HPSE2: variants seen among roughly 807,000 people sequenced by gnomAD.
HPSE2 encodes the protein heparanase 2 (inactive).
HPSE2 carries 38 observed loss-of-function variants against 60.5 expected under a neutral mutation model. That is an observed-to-expected ratio of 0.63 (90% CI 0.48 to 0.82). The LOEUF (loss-of-function observed/expected upper bound fraction) is 0.82, where lower values mean the gene tolerates loss of function less well. Ranked by LOEUF, HPSE2 falls within the 40% of genes least tolerant of loss-of-function variation. The pLI, the probability that HPSE2 is intolerant of heterozygous loss-of-function variation, is 0.00. For missense variants in HPSE2, 713 were observed against 740.4 expected (o/e 0.96, Z 0.43); for synonymous variants, 295 against 293.2 (o/e 1.01, Z -0.06).
intron 3 of HPSE2, among the ~76,000 whole-genome samples, chr10:98,946,617 C>A (rs1564680686): frequency 6.6e-6 from 1 of 151,952 alleles, no homozygotes; most frequent in South Asian, 2.1e-4. Context: ...CTAAAACTAT[C>A]CTAAAATTAA....
chr10:98,814,741 C>T (rs975795111), intron 3 of HPSE2, among the ~76,000 whole-genome samples: 1 of 152,176 alleles, frequency 6.6e-6, no homozygotes, highest in African/African-American at 2.4e-5. Context: ...ATTAATTTAA[C>T]TATGGCAGAC....
At chr10:98,833,601 ATCTT>A (rs1318016765) in intron 3 of HPSE2, among the ~76,000 whole-genome samples, 2 of 152,174 alleles carry the variant, frequency 1.3e-5, no homozygotes, top group African/African-American at 2.4e-5. Flanking sequence ...TCTTGTTATT[ATCTT>A]TATTTTACCA....
intron 3 of HPSE2, among the ~76,000 whole-genome samples, chr10:99,115,428 A>G (rs894392582): frequency 2.1e-4 from 32 of 151,868 alleles, no homozygotes; most frequent in African/African-American, 7.5e-4. Flanking sequence ...TGCTGGGATT[A>G]CAGGTGTGAG....
At chr10:98,567,755 G>A (rs75995669) in intron 9 of HPSE2, among the ~76,000 whole-genome samples, 127,849 of 150,972 alleles carry the variant, frequency 0.85, 55,361 homozygotes, top group East Asian at 1. Flanking sequence ...GATGGTGTGT[G>A]TGTGTGTGTG....
chr10:99,055,700 TTAAA>T (rs1958097323), intron 3 of HPSE2, among the ~76,000 whole-genome samples: 2 of 152,078 alleles, frequency 1.3e-5, no homozygotes, highest in Non-Finnish European at 2.9e-5. Context: ...TAGTTACAAA[TTAAA>T]TAACATATTT....
the HPSE2 span, among the ~76,000 whole-genome samples, chr10:99,248,117 A>T: frequency 6.6e-6 from 1 of 152,194 alleles, no homozygotes; most frequent in Non-Finnish European, 1.5e-5. Flanking sequence ...GATATCTGAA[A>T]ATGTGGAAGT....
At chr10:98,684,435 A>C (rs1336496) in intron 6 of HPSE2, among the ~76,000 whole-genome samples, 47,431 of 142,988 alleles carry the variant, frequency 0.33, 7,623 homozygotes, top group Admixed American at 0.4. Flanking sequence ...GATAGTTAAT[A>C]AATAACTCCA....
intron 9 of HPSE2, among the ~76,000 whole-genome samples, chr10:98,566,658 C>A (rs1944353692): frequency 6.6e-6 from 1 of 152,156 alleles, no homozygotes. Flanking sequence ...CAGTAACCTG[C>A]CCATGTGCCC....
intron 3 of HPSE2, among the ~76,000 whole-genome samples, chr10:98,964,158 T>G (rs1955755048): frequency 6.6e-6 from 1 of 152,150 alleles, no homozygotes; most frequent in Admixed American, 6.5e-5. Flanking sequence ...CCCTCTTGAA[T>G]TTTTATCTTT....
At chr10:98,775,851 C>T (rs1288529194) in intron 3 of HPSE2, among the ~76,000 whole-genome samples, 1 of 152,120 alleles carries the variant, frequency 6.6e-6, no homozygotes, top group Non-Finnish European at 1.5e-5. Flanking sequence ...CATCAGCTAC[C>T]CCAATAAATC....
At chr10:99,304,779 C>T in the HPSE2 span, among the ~76,000 whole-genome samples, 4 of 152,296 alleles carry the variant, frequency 2.6e-5, no homozygotes, top group South Asian at 8.3e-4. Flanking sequence ...GGAATTGGGC[C>T]AAGCACAGGA....
intron 3 of HPSE2, among the ~76,000 whole-genome samples, chr10:99,101,735 T>C (rs963133105): frequency 7.2e-5 from 11 of 152,196 alleles, no homozygotes; most frequent in Admixed American, 7.2e-4. Flanking sequence ...TAGTTGGAAG[T>C]AAAGCACTCC....
chr10:98,600,836 A>T (rs1945381403), intron 9 of HPSE2, among the ~76,000 whole-genome samples: 1 of 146,886 alleles, frequency 6.8e-6, no homozygotes, highest in Non-Finnish European at 1.5e-5. Flanking sequence ...ATACACAAAG[A>T]TATATATACA....
intron 3 of HPSE2, among the ~76,000 whole-genome samples, chr10:99,004,718 T>C (rs1956853690): frequency 6.6e-6 from 1 of 151,512 alleles, no homozygotes. Flanking sequence ...TTTGACTGTG[T>C]ACTTACTTTT....
chr10:99,094,011 CTTTA>C (rs1843610903), intron 3 of HPSE2, among the ~76,000 whole-genome samples: 2 of 151,958 alleles, frequency 1.3e-5, no homozygotes, highest in Admixed American at 6.6e-5. Context: ...TTTACTCTTT[CTTTA>C]TTGATAATTA....
At chr10:98,853,567 T>A (rs1952234379) in intron 3 of HPSE2, among the ~76,000 whole-genome samples, 1 of 152,084 alleles carries the variant, frequency 6.6e-6, no homozygotes, top group Admixed American at 6.6e-5. Flanking sequence ...TTAGGAAAAA[T>A]GTTTTGCCAT....
chr10:99,223,886 C>T (rs1849390542), intron 2 of HPSE2, among the ~76,000 whole-genome samples: 1 of 152,038 alleles, frequency 6.6e-6, no homozygotes, highest in Admixed American at 6.6e-5. Flanking sequence ...TTGAGCAGAG[C>T]TTTCAAGAAC....
chr10:98,615,091 C>T, intron 8 of HPSE2, 73 bp from the exon 9 acceptor site: 12 of 1,038,480 alleles, frequency 1.2e-5, no homozygotes, highest in Middle Eastern at 2.0e-4. Context: ...TAGAGACTGG[C>T]TACTATATAC....
the HPSE2 span, among the ~76,000 whole-genome samples, chr10:99,255,592 ACACG>A: frequency 5.3e-5 from 8 of 151,360 alleles, no homozygotes; most frequent in African/African-American, 2.0e-4. Flanking sequence ...ACACACACAC[ACACG>A]ACTACAATAG....
Sources: allele counts gnomAD v4.1 joint callset (sites outside exome capture counted in the v4.1 genomes callset), GRCh38; gene constraint gnomAD v4.1.1; transcripts MANE v1.5; gene names NCBI Gene and HGNC (gene_info 2026-07-23, HGNC 2026-07-21).